The following ANKRD44 variants were observed in gnomAD, a reference collection of about 807,000 sequenced individuals.
ANKRD44 encodes serine/threonine-protein phosphatase 6 regulatory ankyrin repeat subunit B.
In ANKRD44, 35 loss-of-function variants were observed where a neutral mutation model predicts 116.0. The ratio of observed to expected loss-of-function variants is 0.30; its 90% CI spans 0.23 to 0.40. ANKRD44 has a LOEUF of 0.40. ANKRD44 is among the 10% of genes least tolerant of loss of function. The probability of loss-of-function intolerance (pLI) is 1.00; values close to 1 mark genes in which losing one functional copy is unlikely to be tolerated. For synonymous variants in ANKRD44, 435 were observed against 461.8 expected (o/e 0.94, Z 0.74); for missense variants, 1,014 against 1,242.6 (o/e 0.82, Z 2.77).
At position 196,989,606 on chromosome 2, in the gene ANKRD44, T is replaced by C; in HGVS notation, c.2967A>G (p.Val989=). 1 of 1,550,262 alleles carries C rather than the reference T, an allele frequency of 6.5e-7. No homozygotes were observed. Among genetic ancestry groups the C allele is most frequent in the East Asian group, 2.4e-5 (1 of 40,894 alleles). Residue 989 remains valine, a synonymous_variant, in exon 28 of 28, where the codon GTA becomes GTG. Coordinates refer to ENST00000282272, the MANE Select transcript of ANKRD44 (RefSeq NM_001195144.2). ...NGPRSTPGTA[V]QKEE ...TTAAAGAGTCTCATTCTTCTTTTTG[T>C]ACAGCGGTTCCAGGTGTGGAACGGG...
intron 14 of ANKRD44, 21 bp from the exon 15 acceptor site, chr2:197,081,746 A>G (rs2077803041): frequency 6.4e-7 from 1 of 1,569,336 alleles, no homozygotes; most frequent in African/African-American, 1.4e-5. Context: ...TAAAGGATAG[A>G]AAAAAAAATT....
At chr2:197,226,601 T>C (rs964767640) in intron 1 of ANKRD44, among the ~76,000 whole-genome samples, 1 of 151,932 alleles carries the variant, frequency 6.6e-6, no homozygotes, top group Admixed American at 6.6e-5. Flanking sequence ...GAGGCAGAGG[T>C]TGCAGTGAGC....
At chr2:197,223,012 C>G (rs867403209) in intron 1 of ANKRD44, among the ~76,000 whole-genome samples, 3 of 151,958 alleles carry the variant, frequency 2.0e-5, no homozygotes, top group Non-Finnish European at 4.4e-5. Context: ...AGGGTTTCAC[C>G]ATGTTGGCCA....
intron 16 of ANKRD44, among the ~76,000 whole-genome samples, chr2:197,061,420 G>T (rs1404056943): frequency 6.6e-6 from 1 of 152,226 alleles, no homozygotes; most frequent in Non-Finnish European, 1.5e-5. Flanking sequence ...GCAGCGATTG[G>T]AGCAGTGTCT....
intron 16 of ANKRD44, among the ~76,000 whole-genome samples, chr2:197,043,699 A>G (rs1375171668): frequency 6.6e-6 from 1 of 152,180 alleles, no homozygotes; most frequent in Non-Finnish European, 1.5e-5. Flanking sequence ...TATTAGCTTG[A>G]CACGGGGGAG....
intron 1 of ANKRD44, among the ~76,000 whole-genome samples, chr2:197,253,236 G>A (rs2082362511): frequency 6.6e-6 from 1 of 151,980 alleles, no homozygotes; most frequent in Non-Finnish European, 1.5e-5. Context: ...AATTAAAAGG[G>A]GGTCATTAAA....
At chr2:197,130,804 G>A (rs2079077789) in intron 4 of ANKRD44, among the ~76,000 whole-genome samples, 1 of 152,116 alleles carries the variant, frequency 6.6e-6, no homozygotes, top group South Asian at 2.1e-4. Context: ...TAGAGGAAAG[G>A]GTAGAACATA....
chr2:197,302,714 T>C (rs1430248511), intron 1 of ANKRD44, among the ~76,000 whole-genome samples: 1 of 152,138 alleles, frequency 6.6e-6, no homozygotes, highest in Non-Finnish European at 1.5e-5. Context: ...CCAAAACAAG[T>C]CTCCTCCACA....
chr2:197,213,842 T>C (rs1221899374), intron 1 of ANKRD44, among the ~76,000 whole-genome samples: 1 of 152,238 alleles, frequency 6.6e-6, no homozygotes, highest in Non-Finnish European at 1.5e-5. Flanking sequence ...TCTTTCTCTT[T>C]TTAAAAAGGT....
At chr2:196,977,874 C>A (rs565269174) in intron 21 of ANKRD44, among the ~76,000 whole-genome samples, 1 of 152,192 alleles carries the variant, frequency 6.6e-6, no homozygotes, top group South Asian at 2.1e-4. Flanking sequence ...GAAATCAAAA[C>A]ATATGTCCAT....
intron 1 of ANKRD44, among the ~76,000 whole-genome samples, chr2:197,248,166 T>G (rs191374503): frequency 1.5e-4 from 23 of 152,284 alleles, no homozygotes; most frequent in Admixed American, 1.3e-3. Flanking sequence ...CTGGTTCGCT[T>G]TATGTGTCAA....
At chr2:197,015,521 A>G in intron 17 of ANKRD44, 1 of 483,396 alleles carries the variant, frequency 2.1e-6, no homozygotes. Context: ...GCTGGATTGC[A>G]GAGAGGTCGT....
intron 1 of ANKRD44, among the ~76,000 whole-genome samples, chr2:197,210,514 G>A (rs1470526511): frequency 6.6e-6 from 1 of 152,178 alleles, no homozygotes; most frequent in Non-Finnish European, 1.5e-5. Flanking sequence ...TGGTTCCTCT[G>A]GGAAAGCATC....
At chr2:197,066,166 T>TAAACAGAACTAAAGACAA (rs1250113016) in intron 16 of ANKRD44, among the ~76,000 whole-genome samples, 1 of 152,256 alleles carries the variant, frequency 6.6e-6, no homozygotes, top group East Asian at 1.9e-4. Context: ...ATCCAGCATA[T>TAAACAGAACTAAAGACAA]AAACAGAACT....
At chr2:197,007,022 T>C (rs2076214194) in intron 20 of ANKRD44, among the ~76,000 whole-genome samples, 1 of 151,852 alleles carries the variant, frequency 6.6e-6, no homozygotes, top group Non-Finnish European at 1.5e-5. Flanking sequence ...GGGAGGATCA[T>C]TGAGCCTGGG....
At position 197,286,759 on chromosome 2, in the gene ANKRD44, G is replaced by A. The variant is rs555050274; in HGVS notation, c.27+23819C>T. On this transcript the variant is annotated intron_variant, in intron 1 of 27. Transcript: ENST00000282272. ...TTCTATTCAAACTGTCGAAAAATAT[G>A]TACCTTTGGTAAGCATGAAAAAAGG... 2.0e-4 allele frequency among the ~76,000 whole-genome samples: 30 copies of A among 151,956 alleles called. 1 individual carries two copies. In the South Asian group the frequency reaches 2.7e-3, roughly 14 times the overall value.
chr2:197,118,615 A>G lies in ANKRD44; in HGVS notation c.906+2717T>C, dbSNP rs199892276. Reference sequence around the variant, plus strand: ...CAAAAACAAAAGAAAGAGAGAAAGAAAGAGAGAGAGAGAGAGAGAGAGAGA... The same window carrying G: ...CAAAAACAAAAGAAAGAGAGAAAGAGAGAGAGAGAGAGAGAGAGAGAGAGA... On this transcript the variant is annotated intron_variant, in intron 8 of 27. Transcript: ENST00000282272. 7.9e-5 allele frequency among the ~76,000 whole-genome samples: 6 copies of G among 76,394 alleles called. No homozygotes were observed. The East Asian group carries it at 1.4e-3, about 18-fold the overall frequency. 50.1% of individuals were successfully genotyped at this position (76,394 alleles called of 152,430 possible).
chr2:197,240,254 A>G (rs376921192), intron 1 of ANKRD44, among the ~76,000 whole-genome samples: 75 of 151,860 alleles, frequency 4.9e-4, no homozygotes, highest in African/African-American at 1.6e-3. Context: ...GTGTGCCTGT[A>G]ATCCCAGCTA....
intron 18 of ANKRD44, among the ~76,000 whole-genome samples, chr2:197,013,154 T>G (rs2076328759): frequency 6.6e-6 from 1 of 152,218 alleles, no homozygotes; most frequent in Non-Finnish European, 1.5e-5. Context: ...CCATAAAACC[T>G]GCTATTGGTT....
Sources: allele counts gnomAD v4.1 joint callset (sites outside exome capture counted in the v4.1 genomes callset), GRCh38; gene constraint gnomAD v4.1.1; transcripts MANE v1.5; gene names NCBI Gene and HGNC (gene_info 2026-07-23, HGNC 2026-07-21).